The following PTPRB variants were observed in gnomAD, a reference collection of about 807,000 sequenced individuals.
PTPRB encodes the protein receptor-type tyrosine-protein phosphatase beta.
Under a neutral mutation model 238.1 loss-of-function variants are expected in PTPRB, and 97 were observed. The observed-to-expected ratio is 0.41, with a 90% CI of 0.35 to 0.48. The LOEUF is 0.48. PTPRB is among the 20% of genes least tolerant of loss of function. The probability of loss-of-function intolerance (pLI) is 0.30; values close to 1 mark genes in which losing one functional copy is unlikely to be tolerated. For missense variants in PTPRB, 2,292 were observed against 2,681.9 expected (o/e 0.85, Z 3.21); for synonymous variants, 970 against 995.4 (o/e 0.97, Z 0.48).
rs1319154502 is a variant in PTPRB at position 70,609,819 on chromosome 12, C to T, written c.709-480G>A. The T allele has an allele frequency of 5.1e-6, 8 of 1,580,834 alleles. No individual in the cohort carries two copies. The South Asian group carries it at 9.3e-5, about 18-fold the overall frequency. On this transcript the variant is annotated intron_variant, in intron 3 of 33. Coordinates refer to ENST00000334414, the MANE Select transcript of PTPRB (RefSeq NM_001109754.4). Reference sequence around the variant, plus strand: ...CCCGGCTCCATGGCTCAGCATTGCGCTCAGTAGTTAAGATCCAGAGGAGAC... The same window carrying T: ...CCCGGCTCCATGGCTCAGCATTGCGTTCAGTAGTTAAGATCCAGAGGAGAC...
intron 2 of PTPRB, among the ~76,000 whole-genome samples, chr12:70,632,994 A>C (rs189320607): frequency 6.6e-6 from 1 of 152,328 alleles, no homozygotes; most frequent in African/African-American, 2.4e-5. Context: ...CTTGAATACA[A>C]TCATTAATGT....
chr12:70,593,752 C>A (rs1434261266), intron 6 of PTPRB, among the ~76,000 whole-genome samples: 1 of 151,838 alleles, frequency 6.6e-6, no homozygotes, highest in Non-Finnish European at 1.5e-5. Flanking sequence ...ATGTCTAAGG[C>A]ACTACATATA....
At position 70,591,745 on chromosome 12, in the gene PTPRB, C is replaced by G. The variant is rs777796890; in HGVS notation, c.1780+537G>C. ...TTGTTTCCTTATTTGTTTGTACAAC[C>G]CTTTAAACATGTAAAAACCACTCTT... On this transcript the variant is annotated intron_variant, in intron 7 of 33. Transcript: ENST00000334414. The G allele has an allele frequency of 1.3e-4, 20 of 153,848 alleles. 2 individuals carry two copies. The South Asian group carries it at 3.4e-3, about 26-fold the overall frequency. 9.5% of individuals were successfully genotyped at this position (153,848 alleles called of 1,614,324 possible).
chr12:70,594,322 G>T, intron 6 of PTPRB, 145 bp downstream of exon 6: 1 of 1,142,842 alleles, frequency 8.8e-7, no homozygotes. Flanking sequence ...TTCTTTTTCT[G>T]AGTAGAAAAG....
intron 30 of PTPRB, 71 bp from the exon 31 acceptor site, chr12:70,534,722 T>C: frequency 6.2e-7 from 1 of 1,600,014 alleles, no homozygotes; most frequent in Non-Finnish European, 8.5e-7. Context: ...AGCTGAGCCA[T>C]GGAGCAACTC....
At chr12:70,539,738 G>A (rs1337824775) in intron 25 of PTPRB, 32 bp from the exon 26 acceptor site, 2 of 1,596,124 alleles carry the variant, frequency 1.3e-6, no homozygotes, top group Non-Finnish European at 1.7e-6. Context: ...ACAGAAAAGA[G>A]TTACTGCAGA....
At chr12:70,537,284 C>CAAAAAAAA (rs58633138) in intron 28 of PTPRB, among the ~76,000 whole-genome samples, 3 of 90,702 alleles carry the variant, frequency 3.3e-5, no homozygotes, top group African/African-American at 9.1e-5. Context: ...AAGACCATCT[C>CAAAAAAAA]AAAAAAAAAA....
intron 1 of PTPRB, 114 bp downstream of exon 1, chr12:70,637,227 A>G (rs1334430899): frequency 2.6e-5 from 23 of 890,852 alleles, no homozygotes; most frequent in East Asian, 1.3e-4. Context: ...GTCTTTGGCT[A>G]AACTGCCATG....
chr12:70,559,154 A>T, intron 18 of PTPRB, 189 bp downstream of exon 18: 1 of 643,634 alleles, frequency 1.6e-6, no homozygotes. Flanking sequence ...GAGGGCAGAG[A>T]GAGATTTATT....
In PTPRB at chr12:70,521,502, T is replaced by C; in HGVS notation, c.6635A>G (p.Tyr2212Cys). 1 of 1,547,500 alleles carries C rather than the reference T, an allele frequency of 6.5e-7. No individual in the cohort carries two copies. Among genetic ancestry groups the C allele is most frequent in the South Asian group, 1.2e-5 (1 of 81,680 alleles). The part of the protein sequence containing the change: ...VNPEYHRDPV[Y>C]SRH ...TCAGGTACATTCTCAATGCCTTGAATAGACTGGATCTGAAAGGAAGAACAC... is the reference window on the plus strand; with the variant it reads ...TCAGGTACATTCTCAATGCCTTGAACAGACTGGATCTGAAAGGAAGAACAC... Residue 2212 changes from tyrosine (Y) to cysteine (C), a missense_variant, in exon 34 of 34, where the codon TAT (tyrosine) becomes TGT (cysteine). Physicochemically the swap from Tyr to Cys is radical, Grantham distance 194. Transcript: ENST00000334414.
chr12:70,577,302 C>T (rs1880892896), intron 10 of PTPRB, among the ~76,000 whole-genome samples: 1 of 152,046 alleles, frequency 6.6e-6, no homozygotes, highest in Non-Finnish European at 1.5e-5. Flanking sequence ...ACTGTTATGG[C>T]GATAATGGGT....
At position 70,534,835 on chromosome 12, in the gene PTPRB, C is replaced by T. The variant is rs374775162; in HGVS notation, c.6202G>A (p.Gly2068Ser). Residue 2068 changes from glycine (G) to serine (S), a missense_variant and splice_region_variant, in exon 30 of 34, where the codon GGT (glycine) becomes AGT (serine). Physicochemically the swap from Gly to Ser is moderately conservative, Grantham distance 56 (BLOSUM62 0). This residue lies in a region of PTPRB where 397 missense variants were observed against 502.0 expected (regional missense o/e 0.79). Transcript: ENST00000334414. ...EWTIREFKIC[G>S]EEQLDAHRLI... ...TTAAGTCAAGCAAGCTAACATACAC[C>T]GCATATCTTAAACTCCCGGATGGTC... is the stretch of plus-strand genomic sequence containing the variant. 2.2e-5 allele frequency: 35 copies of T among 1,613,558 alleles called. No homozygotes were observed. The highest frequency in any genetic ancestry group is 1.9e-4 in the South Asian group (17 of 91,054).
chr12:70,594,620 T>A lies in PTPRB; in HGVS notation c.1363A>T (p.Met455Leu). 6.2e-7 allele frequency: 1 copy of A among 1,614,000 alleles called. No individual in the cohort carries two copies. Among genetic ancestry groups the A allele is most frequent in the South Asian group, 1.1e-5 (1 of 91,076 alleles). Residue 455 changes from methionine (M) to leucine (L), a missense_variant, in exon 6 of 34, where the codon ATG becomes TTG. Transcript: ENST00000334414. The stretch of plus-strand genomic sequence containing the variant: ...CCATGAACTAGGATCCCTTTATCCA[T>A]TAGCATCAGCCGGTATCGTTCCACA... ...GNVERYRLML[M>L]DKGILVHGGV... is the part of the protein sequence containing the mutation.
At chr12:70,577,100 G>T (rs117565109) in intron 10 of PTPRB, among the ~76,000 whole-genome samples, 8 of 152,284 alleles carry the variant, frequency 5.3e-5, no homozygotes, top group African/African-American at 7.2e-5. Context: ...CTTTTCTAAA[G>T]ACCTTAAACT....
At chr12:70,568,650 T>C (rs556960208) in intron 14 of PTPRB, among the ~76,000 whole-genome samples, 8 of 152,234 alleles carry the variant, frequency 5.3e-5, no homozygotes, top group African/African-American at 1.9e-4. Flanking sequence ...TATGCAGATA[T>C]AGATATAAAT....
chr12:70,589,046 C>A (rs1882222709), intron 8 of PTPRB, among the ~76,000 whole-genome samples: 1 of 152,172 alleles, frequency 6.6e-6, no homozygotes, highest in South Asian at 2.1e-4. Flanking sequence ...TGTGATCTTC[C>A]ATTTCCAAGT....
chr12:70,614,223 A>G (rs1484786322), intron 3 of PTPRB, among the ~76,000 whole-genome samples: 1 of 152,218 alleles, frequency 6.6e-6, no homozygotes, highest in East Asian at 1.9e-4. Context: ...GCCTTCCAGT[A>G]CTAGTTCATG....
At chr12:70,540,246 G>T (rs1047222199) in intron 23 of PTPRB, 8 of 456,762 alleles carry the variant, frequency 1.8e-5, no homozygotes, top group African/African-American at 1.4e-4. Context: ...TTTGTCTCCT[G>T]GTTTTTGGCT....
chr12:70,543,296 G>T (rs1341557114), intron 22 of PTPRB, among the ~76,000 whole-genome samples: 2 of 152,116 alleles, frequency 1.3e-5, no homozygotes, highest in African/African-American at 4.8e-5. Context: ...TCTTAGATTT[G>T]TTTGTTCCAT....
Sources: allele counts gnomAD v4.1 joint callset (sites outside exome capture counted in the v4.1 genomes callset), GRCh38; gene constraint gnomAD v4.1.1; regional missense constraint gnomAD v4.1.1; transcripts MANE v1.5; gene names NCBI Gene and HGNC (gene_info 2026-07-23, HGNC 2026-07-21).